The following TMED6 variants were observed in gnomAD, a reference collection of about 807,000 sequenced individuals.
The protein encoded by TMED6 is transmembrane p24 trafficking protein 6.
A neutral mutation model predicts 26.5 loss-of-function variants in TMED6; 17 were observed. That is an observed-to-expected ratio of 0.64 (90% confidence interval 0.44 to 0.96). TMED6 has a LOEUF of 0.96. Ranked by LOEUF, TMED6 falls within the 40% of genes least tolerant of loss-of-function variation. The probability of loss-of-function intolerance (pLI) is 0.00; values close to 1 mark genes in which losing one functional copy is unlikely to be tolerated. For missense variants in TMED6, 309 were observed against 296.5 expected (o/e 1.04, Z -0.31); for synonymous variants, 107 against 106.2 (o/e 1.01, Z -0.04).
chr16:69,349,461 CATT>C, intron 2 of TMED6, 61 bp downstream of exon 2: 2 of 1,560,662 alleles, frequency 1.3e-6, no homozygotes, highest in Non-Finnish European at 1.7e-6. Flanking sequence ...TATACTTCCT[CATT>C]ATTTCTGTAA....
At chr16:69,344,933 A>T (rs1482121346) in intron 3 of TMED6, among the ~76,000 whole-genome samples, 1 of 151,418 alleles carries the variant, frequency 6.6e-6, no homozygotes, top group East Asian at 1.9e-4. Flanking sequence ...TACTAAAAAT[A>T]CAAAAATTAG....
chr16:69,343,462 A>G lies in TMED6; in HGVS notation c.668T>C (p.Leu223Ser). The G allele has an allele frequency of 6.2e-7, 1 of 1,614,226 alleles. No individual in the cohort carries two copies. The highest frequency in any genetic ancestry group is 8.5e-7 in the Non-Finnish European group (1 of 1,180,032). Residue 223 changes from leucine to serine, a missense_variant, in exon 4 of 4, where the codon TTG becomes TCG. Leu to Ser is a moderately radical substitution (Grantham distance 145, BLOSUM62 -2). Coordinates refer to ENST00000288025, the MANE Select transcript of TMED6 (RefSeq NM_144676.4). ...ILSGILQLYFLKRLFNVPTTT... is the reference protein window; with the variant it reads ...ILSGILQLYFSKRLFNVPTTT... ...TGTTGGAACATTGAAGAGACGCTTC[A>G]AGAAATACAGTTGCAGGATCCCAGA... is the stretch of plus-strand genomic sequence containing the variant.
chr16:69,346,789 C>G (rs886116310), intron 3 of TMED6, among the ~76,000 whole-genome samples: 3 of 152,050 alleles, frequency 2.0e-5, no homozygotes, highest in Admixed American at 2.0e-4. Context: ...TCACAAAATC[C>G]CATGTACTGT....
At chr16:69,349,422 A>AT (rs1255603182) in intron 2 of TMED6, 103 bp downstream of exon 2, 10 of 1,417,314 alleles carry the variant, frequency 7.1e-6, no homozygotes, top group Non-Finnish European at 9.5e-6. Context: ...TAAAGGCTGA[A>AT]TTTTTTTCCT....
intron 3 of TMED6, among the ~76,000 whole-genome samples, chr16:69,344,879 A>C (rs1393931998): frequency 2.0e-5 from 3 of 151,384 alleles, no homozygotes; most frequent in Non-Finnish European, 4.4e-5. Flanking sequence ...ACCTGAAGTC[A>C]GGAGTTCAAG....
At chr16:69,344,271 C>T (rs1450557511) in intron 3 of TMED6, among the ~76,000 whole-genome samples, 1 of 152,190 alleles carries the variant, frequency 6.6e-6, no homozygotes, top group Non-Finnish European at 1.5e-5. Flanking sequence ...TGGTAGAAGA[C>T]AAGGGCCTGT....
In TMED6 at chr16:69,343,496, TAAC is replaced by T; in HGVS notation, c.631_633del (p.Val211del). On this transcript the variant is annotated inframe_deletion, in exon 4 of 4. Transcript: ENST00000288025. ...AGTTGCAGGATCCCAGAAAGAATAATAACAAGGCTCTGGGCTGTCGACCACCAG... is the reference window on the plus strand; with the variant it reads ...AGTTGCAGGATCCCAGAAAGAATAATAAGGCTCTGGGCTGTCGACCACCAG... The T allele has an allele frequency of 1.2e-6, 2 of 1,614,144 alleles. No homozygotes were observed. The highest frequency in any genetic ancestry group is 1.7e-6 in the Non-Finnish European group (2 of 1,180,018).
At chr16:69,348,395 G>T (rs1043624476) in intron 2 of TMED6, 1 of 156,104 alleles carries the variant, frequency 6.4e-6, no homozygotes, top group African/African-American at 2.4e-5. Flanking sequence ...CCTCCAAGGC[G>T]GTGTGTACAG....
chr16:69,343,588 T>C lies in TMED6; in HGVS notation c.542A>G (p.Asn181Ser), dbSNP rs371566225. 2.4e-5 allele frequency: 39 copies of C among 1,614,064 alleles called. No homozygotes were observed. Among genetic ancestry groups the C allele is most frequent in the Middle Eastern group, 1.6e-4 (1 of 6,084 alleles). ...NNIFHMWRYY[N>S]FARMRKMADF... ...AGCCATTTTCCTCATCCGGGCAAAG[T>C]TGTAGTATCGCCACATGTGAAAGAT... is the stretch of plus-strand genomic sequence containing the variant. The change falls in exon 4 of 4, where the codon AAC becomes AGC. Residue 181 changes from asparagine (N) to serine (S), a missense_variant. Physicochemically the swap from Asn to Ser is conservative, Grantham distance 46. Coordinates refer to ENST00000288025, the MANE Select transcript of TMED6 (RefSeq NM_144676.4).
chr16:69,348,329 G>GAA, intron 2 of TMED6: 1 of 160,880 alleles, frequency 6.2e-6, no homozygotes, highest in Non-Finnish European at 1.3e-5. Flanking sequence ...AATTAGGAAA[G>GAA]ACAAAAAAAA....
chr16:69,343,396 G>A lies in TMED6; in HGVS notation c.*11C>T. Reference sequence around the variant, plus strand: ...AGAAGAAAACAGCCAGGGTGCTATAGTCACCTTAGCTTAGCATCTTGGCTT... The same window carrying A: ...AGAAGAAAACAGCCAGGGTGCTATAATCACCTTAGCTTAGCATCTTGGCTT... On this transcript the variant is annotated 3_prime_UTR_variant, in exon 4 of 4. Transcript: ENST00000288025. 6.2e-7 allele frequency: 1 copy of A among 1,610,146 alleles called. No homozygotes were observed. The highest frequency in any genetic ancestry group is 8.5e-7 in the Non-Finnish European group (1 of 1,176,900).
intron 3 of TMED6, among the ~76,000 whole-genome samples, chr16:69,346,002 CAG>C (rs2012680604): frequency 6.6e-6 from 1 of 152,156 alleles, no homozygotes; most frequent in Admixed American, 6.6e-5. Flanking sequence ...AGGACTCGAA[CAG>C]ACATTTCTCC....
chr16:69,344,539 G>C (rs373100133), intron 3 of TMED6, among the ~76,000 whole-genome samples: 2 of 151,108 alleles, frequency 1.3e-5, no homozygotes, highest in East Asian at 3.9e-4. Context: ...TTGGGAGGCC[G>C]AGACGGGCGG....
In TMED6 at chr16:69,343,275, C is replaced by T; in HGVS notation, c.*132G>A. On this transcript the variant is annotated 3_prime_UTR_variant, in exon 4 of 4. Coordinates refer to ENST00000288025, the MANE Select transcript of TMED6 (RefSeq NM_144676.4). ...TTTTTCACTGTTATGATTTTATTGCCATTTTGCTTTTTTAGATGTGTGCAG... is the reference window on the plus strand; with the variant it reads ...TTTTTCACTGTTATGATTTTATTGCTATTTTGCTTTTTTAGATGTGTGCAG... 1.3e-6 allele frequency: 1 copy of T among 747,542 alleles called. No homozygotes were observed. 46.3% of individuals were successfully genotyped at this position (747,542 alleles called of 1,614,324 possible).
In TMED6 at chr16:69,348,031, C is replaced by T. The variant is rs1247504369; in HGVS notation, c.341-95G>A. 2.3e-6 allele frequency: 3 copies of T among 1,292,384 alleles called. No individual in the cohort carries two copies. The Admixed American group carries it at 6.6e-5, about 29-fold the overall frequency. The allele number at this position is 1,292,384 out of a possible 1,614,324, so 80.1% of individuals were successfully genotyped here. On this transcript the variant is annotated intron_variant, in intron 2 of 3. Transcript: ENST00000288025. ...TCTGTCCTCTAGTTTTGGAATTCTA[C>T]TACAGGACCTTCTTTTTACTTAGAA...
intron 2 of TMED6, among the ~76,000 whole-genome samples, chr16:69,348,625 T>C (rs1170012511): frequency 1.4e-5 from 2 of 147,404 alleles, no homozygotes; most frequent in Non-Finnish European, 3.0e-5. Flanking sequence ...TTCAAGATCT[T>C]TTTTTTTTTT....
intron 3 of TMED6, among the ~76,000 whole-genome samples, chr16:69,344,494 C>T (rs965332381): frequency 3.9e-5 from 6 of 151,946 alleles, no homozygotes; most frequent in Non-Finnish European, 5.9e-5. Context: ...GAAAAGTGGC[C>T]GGGTGCAGTG....
rs1360125784 is a variant in TMED6, at chr16:69,343,343, C to T, written c.*64G>A. On this transcript the variant is annotated 3_prime_UTR_variant, in exon 4 of 4. Transcript: ENST00000288025. Reference sequence around the variant, plus strand: ...GAGATAATTGATTTTTGTCCCATAACATTACAAAGCTGATTCGACTAAGCC... The same window carrying T: ...GAGATAATTGATTTTTGTCCCATAATATTACAAAGCTGATTCGACTAAGCC... 16 of 1,409,414 alleles carry T rather than the reference C, an allele frequency of 1.1e-5. No individual in the cohort carries two copies. The highest frequency in any genetic ancestry group is 1.6e-5 in the Non-Finnish European group (16 of 1,027,014). 87.3% of individuals were successfully genotyped at this position (1,409,414 alleles called of 1,614,324 possible).
Position 69,346,120 on chromosome 16 carries a change from T to A in TMED6, c.489+1668A>T, listed in dbSNP as rs201095218. On this transcript the variant is annotated intron_variant, in intron 3 of 3. Coordinates refer to ENST00000288025, the MANE Select transcript of TMED6 (RefSeq NM_144676.4). ...AGATAACATTTCACACCCACTAGGA[T>A]GACTGTAACAAAAAATAAGTGTTGA... Among the ~76,000 whole-genome samples, 6 of 152,346 alleles carry A rather than the reference T, an allele frequency of 3.9e-5. No individual in the cohort carries two copies. In the East Asian group the frequency reaches 1.2e-3, roughly 29 times the overall value.
Sources: gnomAD v4.1 joint callset for allele counts (sites outside exome capture counted in the v4.1 genomes callset) on GRCh38, gnomAD v4.1.1 for gene constraint, MANE v1.5 for transcripts, NCBI Gene and HGNC (gene_info 2026-07-23, HGNC 2026-07-21) for gene names.